Variants in RASGRF1 observed in about 807,000 individuals in gnomAD.
RASGRF1 encodes the protein ras-specific guanine nucleotide-releasing factor 1.
A neutral mutation model predicts 138.7 loss-of-function variants in RASGRF1; 40 were observed. The observed-to-expected ratio is 0.29, with a 90% CI of 0.22 to 0.38. The LOEUF is 0.38. Among genes scored for constraint, RASGRF1 ranks in the 10% least tolerant of loss-of-function variants. The pLI, the probability that RASGRF1 is intolerant of heterozygous loss-of-function variation, is 1.00. For synonymous variants in RASGRF1, 614 were observed against 663.2 expected (o/e 0.93, Z 1.14); for missense variants, 1,108 against 1,650.4 (o/e 0.67, Z 5.69).
rs2057161785 is a variant in RASGRF1, at chr15:79,032,888, C to G, written c.959-572G>C. Reference sequence around the variant, plus strand: ...ATGGCCTAGGACACTCCCCAAGAGGCCACCCTCCCTCCTGCAGTCTCCGTC... The same window carrying G: ...ATGGCCTAGGACACTCCCCAAGAGGGCACCCTCCCTCCTGCAGTCTCCGTC... On this transcript the variant is annotated intron_variant, in intron 6 of 26. Transcript: ENST00000558480. This position sits in a 1 kb window ranked among gnomAD's most constrained non-coding sequence, Gnocchi z 4.5. 1.3e-5 allele frequency among the ~76,000 whole-genome samples: 2 copies of G among 152,204 alleles called. No individual in the cohort carries two copies. Among genetic ancestry groups the G allele is most frequent in the African/African-American group, 4.8e-5 (2 of 41,448 alleles).
chr15:78,985,156 C>T lies in RASGRF1; in HGVS notation c.3265G>A (p.Ala1089Thr), dbSNP rs1249048682. The change falls in exon 23 of 27, where the codon GCC becomes ACC. Residue 1089 changes from alanine (A) to threonine (T), a missense_variant. Ala to Thr is a moderately conservative substitution (Grantham distance 58, BLOSUM62 0). Transcript: ENST00000558480. ...SEIIRNEDIN[A>T]RVSAIEKWVA... Reference sequence around the variant, plus strand: ...CACTTCTCGATGGCGCTCACCCTGGCGTTGATGTCCTCATTGCGGATGATT... The same window carrying T: ...CACTTCTCGATGGCGCTCACCCTGGTGTTGATGTCCTCATTGCGGATGATT... The T allele has an allele frequency of 6.2e-7, 1 of 1,613,416 alleles. No individual in the cohort carries two copies. Among genetic ancestry groups the T allele is most frequent in the African/African-American group, 1.3e-5 (1 of 75,018 alleles).
At chr15:78,970,551 A>G (rs1210766362) in intron 26 of RASGRF1, among the ~76,000 whole-genome samples, 1 of 128,182 alleles carries the variant, frequency 7.8e-6, no homozygotes, top group Non-Finnish European at 1.6e-5. Context: ...TGAACCCGGG[A>G]GGTGGAGGTT....
At chr15:79,087,201 G>A (rs2057992713) in intron 1 of RASGRF1, among the ~76,000 whole-genome samples, 1 of 152,214 alleles carries the variant, frequency 6.6e-6, no homozygotes, top group African/African-American at 2.4e-5. Context: ...ATCTTCACGG[G>A]GTGAGGAGCT....
intron 14 of RASGRF1, chr15:79,005,055 C>A (rs909433155): frequency 2.0e-6 from 2 of 985,304 alleles, no homozygotes; most frequent in African/African-American, 3.5e-5. Flanking sequence ...TGGGAATGAT[C>A]TCAGTGACTT....
intron 19 of RASGRF1, 167 bp downstream of exon 19, chr15:78,997,929 G>A: frequency 1.6e-6 from 1 of 616,548 alleles, no homozygotes; most frequent in South Asian, 1.9e-5. Context: ...ACCCAGCCCT[G>A]AGCCTGCCCC....
chr15:79,033,164 A>G (rs1192936503), intron 6 of RASGRF1, among the ~76,000 whole-genome samples: 2 of 152,166 alleles, frequency 1.3e-5, no homozygotes, highest in African/African-American at 2.4e-5. Context: ...AGTGCCCCCA[A>G]GTCCCAACCA....
At chr15:79,028,678 G>A (rs944239343) in intron 8 of RASGRF1, among the ~76,000 whole-genome samples, 17 of 152,252 alleles carry the variant, frequency 1.1e-4, no homozygotes, top group African/African-American at 4.1e-4. Flanking sequence ...AGGGTCTGGG[G>A]AGTGGGGAAG....
intron 13 of RASGRF1, among the ~76,000 whole-genome samples, chr15:79,013,695 G>T (rs916161521): frequency 6.6e-6 from 1 of 152,198 alleles, no homozygotes; most frequent in African/African-American, 2.4e-5. Flanking sequence ...CAGAGAGCCA[G>T]TGGGCTCCAG....
intron 14 of RASGRF1, 68 bp from the exon 15 acceptor site, chr15:79,004,243 C>T (rs571585595): frequency 4.1e-5 from 62 of 1,494,188 alleles, no homozygotes; most frequent in East Asian, 1.6e-4. Flanking sequence ...GCCTGGGGGC[C>T]GTCTCCGGTG....
At chr15:79,031,336 G>A in intron 8 of RASGRF1, 64 bp downstream of exon 8, 4 of 1,299,250 alleles carry the variant, frequency 3.1e-6, no homozygotes, top group Non-Finnish European at 4.3e-6. Flanking sequence ...GCGAACTCCT[G>A]GTGAGGGGCA....
intron 19 of RASGRF1, among the ~76,000 whole-genome samples, chr15:78,996,022 T>A (rs537147254): frequency 2.8e-4 from 43 of 152,340 alleles, no homozygotes; most frequent in African/African-American, 9.1e-4. Flanking sequence ...GCCCCTGGGC[T>A]TCCTGCATCT....
chr15:79,089,396 C>T (rs972431027), intron 1 of RASGRF1, among the ~76,000 whole-genome samples: 1 of 152,252 alleles, frequency 6.6e-6, no homozygotes, highest in Non-Finnish European at 1.5e-5. Flanking sequence ...GGCTCACCCC[C>T]ACCCCGCCCG....
chr15:79,031,060 G>A (rs571292701), intron 8 of RASGRF1, among the ~76,000 whole-genome samples: 2 of 152,352 alleles, frequency 1.3e-5, no homozygotes, highest in East Asian at 3.9e-4. Flanking sequence ...GGCCTCCTAT[G>A]GCCACAGGTT....
At chr15:79,078,147 G>GTGTGTGTGTGTGTGTGCATGCATGTGTC in intron 1 of RASGRF1, among the ~76,000 whole-genome samples, 2 of 149,970 alleles carry the variant, frequency 1.3e-5, no homozygotes, top group South Asian at 4.4e-4. Context: ...GTGTGTGTGT[G>GTGTGTGTGTGTGTGTGCATGCATGTGTC]TGTGTGCATG....
Position 79,027,826 on chromosome 15 carries a change from G to A in RASGRF1, c.1296C>T (p.Asn432=). 6.2e-7 allele frequency: 1 copy of A among 1,614,234 alleles called. No homozygotes were observed. Among genetic ancestry groups the A allele is most frequent in the Non-Finnish European group, 8.5e-7 (1 of 1,180,058 alleles). The change falls in exon 9 of 27, where the codon AAC becomes AAT. Residue 432 remains asparagine, a synonymous_variant. Transcript: ENST00000558480. The surrounding 1 kb of genome is among the most constrained non-coding windows in gnomAD (Gnocchi z 4.8). ...IMHDEVSETE[N]IRKNLAIERM... is the part of the protein sequence containing the mutation. ...GCTCGATGGCCAGGTTTTTCCGGATGTTCTCCGTCTCACTTACTTCATCGT... is the reference window on the plus strand; with the variant it reads ...GCTCGATGGCCAGGTTTTTCCGGATATTCTCCGTCTCACTTACTTCATCGT...
At chr15:78,969,529 C>A (rs188981795) in intron 26 of RASGRF1, among the ~76,000 whole-genome samples, 1 of 152,076 alleles carries the variant, frequency 6.6e-6, no homozygotes, top group African/African-American at 2.4e-5. Context: ...ATTAGCCGGG[C>A]GTGGTGGCTC....
intron 1 of RASGRF1, among the ~76,000 whole-genome samples, chr15:79,081,592 C>T (rs922060997): frequency 6.6e-6 from 1 of 152,156 alleles, no homozygotes; most frequent in Non-Finnish European, 1.5e-5. Flanking sequence ...TAATCACCCC[C>T]CACACCCCAG....
In RASGRF1 at chr15:78,971,894, G is replaced by A. The variant is rs2055768552; in HGVS notation, c.3653C>T (p.Thr1218Ile). 1 of 1,590,738 alleles carries A rather than the reference G, an allele frequency of 6.3e-7. No individual in the cohort carries two copies. The highest frequency in any genetic ancestry group is 8.6e-7 in the Non-Finnish European group (1 of 1,158,774). The change falls in exon 26 of 27, where the codon ACT becomes ATT. Residue 1218 changes from threonine to isoleucine, a missense_variant. Transcript: ENST00000558480. ...IIREIRQFQQ[T>I]AYKIEHQAKV... ...TGCTTGGTGCTCTATTTTGTAGGCA[G>A]TTTGTTGAAACTGGCGAATCTCTCG...
intron 21 of RASGRF1, among the ~76,000 whole-genome samples, chr15:78,991,053 G>A (rs1411407073): frequency 1.3e-5 from 2 of 152,224 alleles, no homozygotes; most frequent in East Asian, 3.8e-4. Flanking sequence ...TAGGAATTCA[G>A]ACATATTTGT....
Sources: gnomAD v4.1 joint callset for allele counts (sites outside exome capture counted in the v4.1 genomes callset) on GRCh38, gnomAD v4.1.1 for gene constraint, Gnocchi (gnomAD v3.1) non-coding constraint, MANE v1.5 for transcripts, NCBI Gene and HGNC (gene_info 2026-07-23, HGNC 2026-07-21) for gene names.